CCDC102B: variants seen among roughly 807,000 people sequenced by gnomAD.
The protein encoded by CCDC102B is coiled-coil domain-containing protein 102B.
CCDC102B carries 75 observed loss-of-function variants against 57.4 expected under a neutral mutation model. The observed-to-expected ratio is 1.31, with a 90% confidence interval of 1.08 to 1.58. CCDC102B has a LOEUF of 1.58. CCDC102B is among the 40% of genes most tolerant of loss of function. The pLI is 0.00. For synonymous variants in CCDC102B, 206 were observed against 201.9 expected (o/e 1.02, Z -0.17); for missense variants, 636 against 582.6 (o/e 1.09, Z -0.94).
chr18:68,931,407 C>A (rs11873434), intron 6 of CCDC102B, among the ~76,000 whole-genome samples: 1 of 151,582 alleles, frequency 6.6e-6, no homozygotes, highest in South Asian at 2.1e-4. Flanking sequence ...TAATTTGGAC[C>A]AACACCTTCC....
chr18:68,908,071 TGTG>T (rs2040709057), intron 6 of CCDC102B: 2 of 152,356 alleles, frequency 1.3e-5, no homozygotes, highest in Admixed American at 6.5e-5. Context: ...ATTTTGTTAA[TGTG>T]GTGTTTTAAA....
intron 2 of CCDC102B, among the ~76,000 whole-genome samples, chr18:68,741,906 A>C (rs1398280933): frequency 1.3e-5 from 2 of 152,140 alleles, no homozygotes; most frequent in East Asian, 3.9e-4. Context: ...ACTGACACCA[A>C]AGGAGGGAGC....
At chr18:68,995,789 TGAGAA>T (rs1480492787) in intron 6 of CCDC102B, among the ~76,000 whole-genome samples, 1 of 152,050 alleles carries the variant, frequency 6.6e-6, no homozygotes, top group Admixed American at 6.5e-5. Flanking sequence ...AGTGGAGCTG[TGAGAA>T]GAGGGCCACC....
intron 6 of CCDC102B, among the ~76,000 whole-genome samples, chr18:69,003,828 A>T (rs941886884): frequency 1.3e-5 from 2 of 152,208 alleles, no homozygotes; most frequent in African/African-American, 4.8e-5. Flanking sequence ...TCAATACTTG[A>T]ATATAATTGG....
At chr18:68,853,088 A>G (rs1451924458) in intron 4 of CCDC102B, among the ~76,000 whole-genome samples, 2 of 152,208 alleles carry the variant, frequency 1.3e-5, no homozygotes, top group Admixed American at 6.5e-5. Flanking sequence ...GATTGACATG[A>G]AGGAAATATT....
rs369779004 is a variant in CCDC102B at position 68,860,546 on chromosome 18, C to T, written c.937-14123C>T. Among the ~76,000 whole-genome samples, 922 of 125,720 alleles carry T rather than the reference C, an allele frequency of 7.3e-3. 32 individuals are homozygous for T. Among genetic ancestry groups the T allele is most frequent in the East Asian group, 0.012 (42 of 3,580 alleles). The allele number at this position is 125,720 out of a possible 152,430, so 82.5% of individuals were successfully genotyped here. A position where few individuals can be genotyped will look rare whatever the true frequency, so the allele number is the denominator to read the frequency against. On this transcript the variant is annotated intron_variant, in intron 4 of 7. Transcript: ENST00000360242. ...CCCCTTTCCCTCCCTACACCCCTGC[C>T]ACACAGGCCTCCCTGCCTGTCCTCA...
intron 1 of CCDC102B, among the ~76,000 whole-genome samples, chr18:68,807,723 T>C (rs569333131): frequency 1.3e-5 from 2 of 152,158 alleles, no homozygotes; most frequent in Admixed American, 6.5e-5. Flanking sequence ...CAAACAACTA[T>C]GCAAAAATGA....
At chr18:68,796,464 A>G (rs2035631825), upstream of CCDC102B, among the ~76,000 whole-genome samples, 3 of 152,138 alleles carry the variant, frequency 2.0e-5, no homozygotes, top group South Asian at 2.1e-4. Flanking sequence ...TGGGCTGACA[A>G]ATATGAGTAT....
intron 6 of CCDC102B, among the ~76,000 whole-genome samples, chr18:68,933,097 T>C (rs11873762): frequency 0.62 from 79,687 of 127,574 alleles, 21,184 homozygotes; most frequent in Non-Finnish European, 0.66. Flanking sequence ...TTACTCCTCA[T>C]AAAAAAAAAA....
intron 2 of CCDC102B, among the ~76,000 whole-genome samples, chr18:68,775,355 G>T (rs941400192): frequency 6.6e-6 from 1 of 151,918 alleles, no homozygotes; most frequent in Non-Finnish European, 1.5e-5. Context: ...ATTATATAAG[G>T]TCATTTTCAG....
intron 1 of CCDC102B, among the ~76,000 whole-genome samples, chr18:68,816,143 A>G (rs2036464092): frequency 6.6e-6 from 1 of 152,204 alleles, no homozygotes; most frequent in South Asian, 2.1e-4. Context: ...ACCTTCACTG[A>G]AGATTTGGTA....
chr18:69,048,709 G>A (rs182560151), intron 7 of CCDC102B, among the ~76,000 whole-genome samples: 3 of 151,598 alleles, frequency 2.0e-5, no homozygotes, highest in Admixed American at 6.6e-5. Context: ...CCATCAGGGT[G>A]CTTAAAAAAA....
intron 2 of CCDC102B, among the ~76,000 whole-genome samples, chr18:68,763,787 G>GACAAATATTCCTCAA (rs1568237750): frequency 6.1e-5 from 9 of 147,082 alleles, no homozygotes; most frequent in East Asian, 4.1e-4. Context: ...CAATACAGCA[G>GACAAATATTCCTCAA]TAGAACCTAG....
chr18:68,983,868 A>G lies in CCDC102B; in HGVS notation c.1264-27066A>G, dbSNP rs2050656651. On this transcript the variant is annotated intron_variant, in intron 6 of 7. Transcript: ENST00000360242. ...ATGCAATTGACTAGGGAATGATCAG[A>G]GCTGCATGTTTAAAGGAGTGAAAAA... Among the ~76,000 whole-genome samples, 10 of 152,160 alleles carry G rather than the reference A, an allele frequency of 6.6e-5. 2 individuals are homozygous for G. The South Asian group carries it at 2.1e-3, about 31-fold the overall frequency.
Position 68,765,314 on chromosome 18 carries a change from AAGG to A in CCDC102B, c.-67+48722_-67+48724del, listed in dbSNP as rs1449801235. ...AAAGAAAGGAAGGAAGGAAGGAAGGAAGGAAGGAAGGAAAGAAAGAAAGAAAGA... is the reference window on the plus strand; with the variant it reads ...AAAGAAAGGAAGGAAGGAAGGAAGGAAAGGAAGGAAAGAAAGAAAGAAAGA... On this transcript the variant is annotated intron_variant, in intron 2 of 3. Coordinates refer to the CCDC102B transcript ENST00000578970. 5.6e-3 allele frequency among the ~76,000 whole-genome samples: 352 copies of A among 62,876 alleles called. 3 individuals are homozygous for A. Among genetic ancestry groups the A allele is most frequent in the Non-Finnish European group, 7.9e-3 (241 of 30,518 alleles). The allele number at this position is 62,876 out of a possible 152,430, so 41.2% of individuals were successfully genotyped here.
upstream of CCDC102B, among the ~76,000 whole-genome samples, chr18:68,795,604 C>G (rs760016376): frequency 4.6e-5 from 7 of 152,134 alleles, no homozygotes; most frequent in Non-Finnish European, 8.8e-5. Context: ...CTGTCTCTGT[C>G]TCTCTCACAA....
chr18:68,747,809 A>C (rs1449550149), intron 2 of CCDC102B, among the ~76,000 whole-genome samples: 3 of 152,180 alleles, frequency 2.0e-5, no homozygotes, highest in Non-Finnish European at 2.9e-5. Context: ...CACTGTGAAT[A>C]ATGTTGCGAT....
chr18:69,051,999 G>A (rs1314119952), intron 7 of CCDC102B, among the ~76,000 whole-genome samples: 1 of 151,420 alleles, frequency 6.6e-6, no homozygotes, highest in African/African-American at 2.4e-5. Context: ...AGAAAATATT[G>A]ATATATTTCA....
intron 4 of CCDC102B, among the ~76,000 whole-genome samples, chr18:68,851,942 C>T (rs2038146397): frequency 6.6e-6 from 1 of 152,110 alleles, no homozygotes; most frequent in South Asian, 2.1e-4. Context: ...GTTCATAAAT[C>T]CAAAGCTTCT....
Sources: allele counts gnomAD v4.1 joint callset (sites outside exome capture counted in the v4.1 genomes callset), GRCh38; gene constraint gnomAD v4.1.1; transcripts MANE v1.5; gene names NCBI Gene and HGNC (gene_info 2026-07-23, HGNC 2026-07-21).